The following EPHA3 variants were observed in gnomAD, a reference collection of about 807,000 sequenced individuals.
EPHA3 encodes ephrin type-A receptor 3.
EPHA3 carries 42 observed loss-of-function variants against 107.1 expected under a neutral mutation model. That is an observed-to-expected ratio of 0.39 (90% CI 0.31 to 0.51). The LOEUF is 0.51. Ranked by LOEUF, EPHA3 falls within the 20% of genes least tolerant of loss-of-function variation. EPHA3 has a pLI of 0.78. For synonymous variants in EPHA3, 461 were observed against 424.8 expected (o/e 1.09, Z -1.05); for missense variants, 1,183 against 1,211.2 (o/e 0.98, Z 0.35).
At position 89,410,553 on chromosome 3, in the gene EPHA3, A is replaced by C. The variant is rs527343298; in HGVS notation, c.1762+2422A>C. 5.3e-5 allele frequency among the ~76,000 whole-genome samples: 8 copies of C among 152,104 alleles called. 1 individual carries two copies. Among genetic ancestry groups the C allele is most frequent in the African/African-American group, 1.9e-4 (8 of 41,544 alleles). On this transcript the variant is annotated intron_variant, in intron 9 of 16. Coordinates refer to ENST00000336596, the MANE Select transcript of EPHA3 (RefSeq NM_005233.6). ...AACAGTTCCATTTTACCTTATGCTT[A>C]AAGTATCATTTTATTTCCTTGAAAA...
intron 3 of EPHA3, among the ~76,000 whole-genome samples, chr3:89,286,403 C>A (rs1706084377): frequency 6.6e-6 from 1 of 151,992 alleles, no homozygotes; most frequent in Non-Finnish European, 1.5e-5. Context: ...AATGTTTCCT[C>A]TGGCTCTGTG....
chr3:89,350,502 C>A (rs1464293627), intron 5 of EPHA3, among the ~76,000 whole-genome samples: 8 of 150,758 alleles, frequency 5.3e-5, no homozygotes, highest in Non-Finnish European at 1.2e-4. Flanking sequence ...ATTGGTTATT[C>A]TAGTTATACA....
At chr3:89,311,393 A>G (rs1419478562) in intron 3 of EPHA3, among the ~76,000 whole-genome samples, 1 of 152,018 alleles carries the variant, frequency 6.6e-6, no homozygotes, top group African/African-American at 2.4e-5. Flanking sequence ...TCAACCAACA[A>G]TCTAAGTGAA....
chr3:89,181,123 G>C (rs1705433963), intron 2 of EPHA3, among the ~76,000 whole-genome samples: 1 of 151,880 alleles, frequency 6.6e-6, no homozygotes, highest in South Asian at 2.1e-4. Context: ...TAATCTCCTA[G>C]TTTTATTTAA....
At chr3:89,117,704 G>A (rs1383295413) in intron 1 of EPHA3, among the ~76,000 whole-genome samples, 4 of 151,788 alleles carry the variant, frequency 2.6e-5, no homozygotes, top group South Asian at 4.2e-4. Context: ...ACCTCATTAT[G>A]GCATAATTTT....
intron 5 of EPHA3, among the ~76,000 whole-genome samples, chr3:89,383,321 G>T (rs1708547764): frequency 6.6e-6 from 1 of 152,174 alleles, no homozygotes; most frequent in Non-Finnish European, 1.5e-5. Flanking sequence ...AACAACCCAA[G>T]AATAGCCTTT....
At chr3:89,152,589 T>C (rs1704712820) in intron 2 of EPHA3, among the ~76,000 whole-genome samples, 1 of 152,138 alleles carries the variant, frequency 6.6e-6, no homozygotes, top group African/African-American at 2.4e-5. Context: ...TCATTATTCT[T>C]TCACTTATAG....
chr3:89,111,694 G>A (rs1220200241), intron 1 of EPHA3, among the ~76,000 whole-genome samples: 1 of 151,950 alleles, frequency 6.6e-6, no homozygotes, highest in South Asian at 2.1e-4. Flanking sequence ...TGAATGTCCC[G>A]TAAAGAAACT....
chr3:89,414,633 A>G (rs1422647588), intron 10 of EPHA3, among the ~76,000 whole-genome samples: 1 of 151,680 alleles, frequency 6.6e-6, no homozygotes, highest in African/African-American at 2.4e-5. Flanking sequence ...CAACTGGAGA[A>G]TATGTTGAGA....
At chr3:89,467,169 A>G (rs1052825237) in intron 15 of EPHA3, among the ~76,000 whole-genome samples, 2 of 152,184 alleles carry the variant, frequency 1.3e-5, no homozygotes, top group Non-Finnish European at 1.5e-5. Context: ...TGGCAAATAT[A>G]AGATTTTCCC....
At chr3:89,423,103 G>C (rs1709385829) in intron 11 of EPHA3, among the ~76,000 whole-genome samples, 1 of 151,334 alleles carries the variant, frequency 6.6e-6, no homozygotes, top group Non-Finnish European at 1.5e-5. Context: ...CCTTCCATTG[G>C]CCACTTTTCA....
intron 16 of EPHA3, among the ~76,000 whole-genome samples, chr3:89,473,914 G>A (rs1270939716): frequency 6.6e-6 from 1 of 151,956 alleles, no homozygotes; most frequent in Admixed American, 6.6e-5. Flanking sequence ...TGGTCTATTG[G>A]GAAACTGTTC....
At position 89,127,246 on chromosome 3, in the gene EPHA3, G is replaced by T; in HGVS notation, c.126G>T (p.Leu42=). The change falls in exon 2 of 17, where the codon CTG becomes CTT. Residue 42 remains leucine, a synonymous_variant. Coordinates refer to ENST00000336596, the MANE Select transcript of EPHA3 (RefSeq NM_005233.6). ...LLDSKTIQGE[L]GWISYPSHGW... Reference sequence around the variant, plus strand: ...ATTCAAAAACAATTCAAGGGGAGCTGGGCTGGATCTCTTATCCATCACATG... The same window carrying T: ...ATTCAAAAACAATTCAAGGGGAGCTTGGCTGGATCTCTTATCCATCACATG... 6.2e-7 allele frequency: 1 copy of T among 1,612,278 alleles called. No homozygotes were observed. The highest frequency in any genetic ancestry group is 1.1e-5 in the South Asian group (1 of 90,978).
chr3:89,223,987 A>G (rs1704443688), intron 3 of EPHA3, among the ~76,000 whole-genome samples: 1 of 152,152 alleles, frequency 6.6e-6, no homozygotes, highest in Admixed American at 6.6e-5. Context: ...CAAAATCTGA[A>G]CACAGCTTTT....
At chr3:89,166,573 A>T (rs895860428) in intron 2 of EPHA3, among the ~76,000 whole-genome samples, 1 of 152,240 alleles carries the variant, frequency 6.6e-6, no homozygotes, top group Non-Finnish European at 1.5e-5. Context: ...GTTCTTTGAA[A>T]CAATGAAGAC....
At chr3:89,240,155 A>G (rs760222195) in intron 3 of EPHA3, among the ~76,000 whole-genome samples, 16 of 152,174 alleles carry the variant, frequency 1.1e-4, no homozygotes, top group Non-Finnish European at 1.8e-4. Flanking sequence ...GAAATAATAC[A>G]TTTGTATGGC....
At chr3:89,277,780 T>A (rs1382668969) in intron 3 of EPHA3, among the ~76,000 whole-genome samples, 1 of 152,168 alleles carries the variant, frequency 6.6e-6, no homozygotes, top group Non-Finnish European at 1.5e-5. Flanking sequence ...CCTTTTCCCA[T>A]TTATGAAAAT....
intron 2 of EPHA3, among the ~76,000 whole-genome samples, chr3:89,196,013 C>T (rs1705829524): frequency 6.6e-6 from 1 of 152,060 alleles, no homozygotes; most frequent in Admixed American, 6.6e-5. Context: ...GGGCTAAACT[C>T]TTCAACCCTT....
chr3:89,125,750 G>C (rs866316842), intron 1 of EPHA3, among the ~76,000 whole-genome samples: 1 of 151,516 alleles, frequency 6.6e-6, no homozygotes, highest in Admixed American at 6.6e-5. Context: ...TTTGAGAATT[G>C]TATTTCTTTT....
Sources: allele counts gnomAD v4.1 joint callset (sites outside exome capture counted in the v4.1 genomes callset), GRCh38; gene constraint gnomAD v4.1.1; transcripts MANE v1.5; gene names NCBI Gene and HGNC (gene_info 2026-07-23, HGNC 2026-07-21).